Variants in KCNAB2 observed in about 807,000 individuals in gnomAD.
The protein encoded by KCNAB2 is voltage-gated potassium channel subunit beta-2.
In KCNAB2, 29 loss-of-function variants were observed where a neutral mutation model predicts 63.6. That is an observed-to-expected ratio of 0.46 (90% confidence interval 0.34 to 0.62). The LOEUF (loss-of-function observed/expected upper bound fraction) is 0.62, where lower values mean the gene tolerates loss of function less well. KCNAB2 is among the 20% of genes least tolerant of loss of function. The pLI, the probability that KCNAB2 is intolerant of heterozygous loss-of-function variation, is 0.01. For synonymous variants in KCNAB2, 222 were observed against 224.2 expected (o/e 0.99, Z 0.09); for missense variants, 359 against 563.9 (o/e 0.64, Z 3.68).
rs1351957604 is a variant in KCNAB2, at chr1:6,038,121, C to T, written c.-52-2396C>T. Among the ~76,000 whole-genome samples, 9 of 151,910 alleles carry T rather than the reference C, an allele frequency of 5.9e-5. No homozygotes were observed. In the East Asian group the frequency reaches 1.7e-3, roughly 29 times the overall value. On this transcript the variant is annotated intron_variant, in intron 1 of 15. Transcript: ENST00000164247. ...CTCGATCTCCTGACCTCGTGATCCA[C>T]CCACCTCAGCCTCCCAAAGTTCTGG...
At chr1:6,031,753 G>T (rs1659642703), upstream of KCNAB2, among the ~76,000 whole-genome samples, 1 of 151,956 alleles carries the variant, frequency 6.6e-6, no homozygotes, top group Non-Finnish European at 1.5e-5. This position sits in a 1 kb window ranked among gnomAD's most constrained non-coding sequence, Gnocchi z 4.1. Flanking sequence ...GCCAGGCTGG[G>T]TGGCACACAT....
upstream of KCNAB2, among the ~76,000 whole-genome samples, chr1:6,031,285 G>A (rs1042407911): frequency 2.6e-5 from 4 of 152,166 alleles, no homozygotes; most frequent in Non-Finnish European, 5.9e-5. This position sits in a 1 kb window ranked among gnomAD's most constrained non-coding sequence, Gnocchi z 4.1. Context: ...AGGTGGCTCC[G>A]ACAGGGTACA....
intron 2 of KCNAB2, among the ~76,000 whole-genome samples, chr1:6,062,187 G>A (rs1174356045): frequency 6.6e-6 from 1 of 152,086 alleles, no homozygotes; most frequent in Admixed American, 6.5e-5. Context: ...GGTGGCACAT[G>A]CCTGTAATCC....
intron 4 of KCNAB2, among the ~76,000 whole-genome samples, chr1:6,080,928 G>A (rs1458011897): frequency 1.3e-5 from 2 of 152,186 alleles, no homozygotes; most frequent in Admixed American, 6.5e-5. Flanking sequence ...TTCACCCCAC[G>A]CTGGGCTTGT....
chr1:6,088,292 C>T (rs1394010236), intron 7 of KCNAB2, among the ~76,000 whole-genome samples: 2 of 150,576 alleles, frequency 1.3e-5, no homozygotes, highest in East Asian at 2.0e-4. Flanking sequence ...AGTACAGTGG[C>T]GTAGTCCCAG....
At chr1:6,062,853 T>C (rs963932226) in intron 2 of KCNAB2, among the ~76,000 whole-genome samples, 9 of 152,176 alleles carry the variant, frequency 5.9e-5, no homozygotes, top group Admixed American at 2.0e-4. Flanking sequence ...AATGCAATTA[T>C]ATGGAATTAA....
Position 6,087,506 on chromosome 1 carries a change from C to A in KCNAB2, c.465C>A (p.Gly155=), listed in dbSNP as rs2229005. 4 of 1,614,124 alleles carry A rather than the reference C, an allele frequency of 2.5e-6. No individual in the cohort carries two copies. In the Admixed American group the frequency reaches 5.0e-5, roughly 20 times the overall value. The part of the protein sequence containing the change: ...SLVITTKIFW[G]GKAETERGLS... ...TCATCACCACCAAGATCTTCTGGGGCGGAAAGTAGGTGCAACAGCTGGCGA... is the reference window on the plus strand; with the variant it reads ...TCATCACCACCAAGATCTTCTGGGGAGGAAAGTAGGTGCAACAGCTGGCGA... The change falls in exon 7 of 16, where the codon GGC becomes GGA. Residue 155 remains glycine (G), a synonymous_variant. Coordinates refer to ENST00000378083, the MANE Select transcript of KCNAB2 (RefSeq NM_001199862.2). This position sits in a 1 kb window ranked among gnomAD's most constrained non-coding sequence, Gnocchi z 6.4.
At chr1:6,076,807 A>G (rs1024277098) in intron 4 of KCNAB2, among the ~76,000 whole-genome samples, 2 of 152,226 alleles carry the variant, frequency 1.3e-5, no homozygotes, top group African/African-American at 4.8e-5. Flanking sequence ...TCTGGGACCC[A>G]GATACTGGAA....
upstream of KCNAB2, among the ~76,000 whole-genome samples, chr1:6,033,828 C>T (rs116667060): frequency 2.8e-3 from 428 of 152,316 alleles, 2 homozygotes; most frequent in African/African-American, 9.7e-3. Context: ...CTCATTGCTC[C>T]GTGAGAAGTT....
chr1:6,073,042 C>T lies in KCNAB2; in HGVS notation c.262+244C>T, dbSNP rs1032355037. On this transcript the variant is annotated intron_variant, in intron 3 of 15. Coordinates refer to ENST00000378083, the MANE Select transcript of KCNAB2 (RefSeq NM_001199862.2). This position sits in a 1 kb window ranked among gnomAD's most constrained non-coding sequence, Gnocchi z 5.7. ...CTCAGCAGAGGAGGTGAGGCGGATACTAGGGGCCCCTCCACACATGGTCCC... is the reference window on the plus strand; with the variant it reads ...CTCAGCAGAGGAGGTGAGGCGGATATTAGGGGCCCCTCCACACATGGTCCC... Among the ~76,000 whole-genome samples the T allele has an allele frequency of 6.6e-6, 1 of 152,084 alleles. No homozygotes were observed.
upstream of KCNAB2, among the ~76,000 whole-genome samples, chr1:6,032,388 G>A (rs1659687864): frequency 6.6e-6 from 1 of 152,136 alleles, no homozygotes; most frequent in South Asian, 2.1e-4. Flanking sequence ...AGACCATCCT[G>A]GCCAACATGG....
At chr1:6,015,509 T>A (rs1658441073) in intron 1 of KCNAB2, among the ~76,000 whole-genome samples, 2 of 152,226 alleles carry the variant, frequency 1.3e-5, no homozygotes, top group Admixed American at 1.3e-4. Flanking sequence ...TGGCCCGAAA[T>A]GCCTAAAATA....
At chr1:5,993,466 C>T (rs990610827) in intron 1 of KCNAB2, among the ~76,000 whole-genome samples, 7 of 152,308 alleles carry the variant, frequency 4.6e-5, no homozygotes, top group African/African-American at 1.7e-4. Context: ...CTATCTTAAG[C>T]TTCTCCCTCC....
At chr1:6,067,108 G>A (rs1449645293) in intron 2 of KCNAB2, among the ~76,000 whole-genome samples, 1 of 152,222 alleles carries the variant, frequency 6.6e-6, no homozygotes, top group Non-Finnish European at 1.5e-5. Context: ...GCACCCTTCT[G>A]GGGGCCGGCC....
chr1:6,046,032 G>A lies in KCNAB2; in HGVS notation c.-178G>A. ...CTCGCTGCCTCAAAACTCGACTCTG[G>A]TGGGACTCATCTCATTCACCAATTG... is the stretch of plus-strand genomic sequence containing the variant. On this transcript the variant is annotated 5_prime_UTR_variant, in exon 1 of 16. The change creates a new upstream start codon in the 5' untranslated region. Coordinates refer to ENST00000378083, the MANE Select transcript of KCNAB2 (RefSeq NM_001199862.2). 7 of 985,440 alleles carry A rather than the reference G, an allele frequency of 7.1e-6. No individual in the cohort carries two copies. The highest frequency in any genetic ancestry group is 8.4e-6 in the Non-Finnish European group (7 of 829,940). 61.0% of individuals were successfully genotyped at this position (985,440 alleles called of 1,614,324 possible).
At chr1:6,040,664 A>C (rs1557439805) in intron 2 of KCNAB2, 1 of 1,510,464 alleles carries the variant, frequency 6.6e-7, no homozygotes, top group Non-Finnish European at 9.2e-7. Context: ...CTGCCCCCTC[A>C]CCCAGGCCCC....
At position 6,024,082 on chromosome 1, in the gene KCNAB2, C is replaced by G. The variant is rs911317725; in HGVS notation, c.-52-16435C>G. Reference sequence around the variant, plus strand: ...TCAGCCTTCCGAGTAGCTGGGATTACAGGCGCCCACCACCATGTCCAGCTA... The same window carrying G: ...TCAGCCTTCCGAGTAGCTGGGATTAGAGGCGCCCACCACCATGTCCAGCTA... On this transcript the variant is annotated intron_variant, in intron 1 of 16. Transcript: ENST00000341524. This position sits in a 1 kb window ranked among gnomAD's most constrained non-coding sequence, Gnocchi z 5.4. Among the ~76,000 whole-genome samples the G allele has an allele frequency of 6.6e-6, 1 of 152,112 alleles. No individual in the cohort carries two copies. The highest frequency in any genetic ancestry group is 2.4e-5 in the African/African-American group (1 of 41,390).
intron 4 of KCNAB2, among the ~76,000 whole-genome samples, chr1:6,079,346 C>T (rs937214421): frequency 3.9e-5 from 6 of 152,190 alleles, no homozygotes; most frequent in Admixed American, 1.3e-4. Context: ...ATGGTGAAAC[C>T]TCATCTCTAC....
intron 1 of KCNAB2, among the ~76,000 whole-genome samples, chr1:5,993,092 A>G (rs1242518883): frequency 1.6e-5 from 2 of 123,250 alleles, no homozygotes; most frequent in Non-Finnish European, 1.7e-5. Context: ...TTCCCGGTGC[A>G]CCTCTTCCCC....
Sources: gnomAD v4.1 joint callset for allele counts (sites outside exome capture counted in the v4.1 genomes callset) on GRCh38, gnomAD v4.1.1 for gene constraint, Gnocchi (gnomAD v3.1) non-coding constraint, MANE v1.5 for transcripts, NCBI Gene and HGNC (gene_info 2026-07-23, HGNC 2026-07-21) for gene names.